TMC1: variants seen among roughly 807,000 people sequenced by gnomAD.
TMC1 encodes transmembrane channel-like protein 1.
TMC1 carries 84 observed loss-of-function variants against 105.8 expected under a neutral mutation model. The observed-to-expected ratio is 0.79, with a 90% confidence interval of 0.67 to 0.95. The LOEUF is 0.95. TMC1 is among the 40% of genes least tolerant of loss of function. The pLI is 0.00. For missense variants in TMC1, 817 were observed against 914.1 expected (o/e 0.89, Z 1.37); for synonymous variants, 315 against 311.5 (o/e 1.01, Z -0.12).
At chr9:72,732,122 A>C (rs1031433523) in intron 8 of TMC1, among the ~76,000 whole-genome samples, 1 of 152,212 alleles carries the variant, frequency 6.6e-6, no homozygotes, top group African/African-American at 2.4e-5. Flanking sequence ...ATGAGTTTGG[A>C]AAATGGAGAA....
intron 1 of TMC1, among the ~76,000 whole-genome samples, chr9:72,571,325 A>G (rs1440757730): frequency 6.6e-6 from 1 of 151,912 alleles, no homozygotes; most frequent in East Asian, 2.0e-4. Context: ...TCTGTCTCAA[A>G]AAAAAGAAAA....
intron 1 of TMC1, among the ~76,000 whole-genome samples, chr9:72,562,576 A>G (rs895166038): frequency 6.6e-6 from 1 of 152,180 alleles, no homozygotes; most frequent in Non-Finnish European, 1.5e-5. Context: ...TTGAATCCCT[A>G]TTGTGTCAGA....
chr9:72,669,223 C>T (rs948843018), intron 5 of TMC1, among the ~76,000 whole-genome samples: 4 of 152,058 alleles, frequency 2.6e-5, no homozygotes, highest in Non-Finnish European at 4.4e-5. Context: ...GCAGGAGGAT[C>T]GCTTGAACCT....
chr9:72,598,420 C>T (rs1157751526), intron 2 of TMC1, among the ~76,000 whole-genome samples: 1 of 152,006 alleles, frequency 6.6e-6, no homozygotes, highest in African/African-American at 2.4e-5. Context: ...TGATTATGGT[C>T]AGCTTTGATT....
intron 5 of TMC1, among the ~76,000 whole-genome samples, chr9:72,682,936 A>G (rs1826311443): frequency 6.6e-6 from 1 of 152,178 alleles, no homozygotes. Flanking sequence ...TACCTCCTAC[A>G]TGGCCGGAGC....
chr9:72,831,668 A>G (rs368744060), intron 23 of TMC1, among the ~76,000 whole-genome samples: 2 of 151,926 alleles, frequency 1.3e-5, no homozygotes, highest in South Asian at 4.1e-4. Context: ...ATTTCCACCT[A>G]TGAGTAAGAA....
rs1315404829 is a variant in TMC1 at position 72,752,092 on chromosome 9, C to G, written c.642+136C>G. 5.6e-5 allele frequency: 40 copies of G among 716,450 alleles called. 1 individual carries two copies. The Admixed American group carries it at 7.9e-4, about 14-fold the overall frequency. The allele number at this position is 716,450 out of a possible 1,614,324, so 44.4% of individuals were successfully genotyped here. A position where few individuals can be genotyped will look rare whatever the true frequency, so the allele number is the denominator to read the frequency against. On this transcript the variant is annotated intron_variant, in intron 11 of 23. Coordinates refer to ENST00000297784, the MANE Select transcript of TMC1 (RefSeq NM_138691.3). ...GTCATAGGATTTGTAATGAGATTAA[C>G]CTTCAAAATGGTGCCCATGGGCCAA...
At chr9:72,636,228 T>G (rs1266070143) in intron 4 of TMC1, among the ~76,000 whole-genome samples, 1 of 152,220 alleles carries the variant, frequency 6.6e-6, no homozygotes, top group Non-Finnish European at 1.5e-5. Context: ...TAGACTATTC[T>G]AAGAATGAAT....
At chr9:72,737,924 T>C (rs2118006645) in intron 8 of TMC1, among the ~76,000 whole-genome samples, 1 of 152,256 alleles carries the variant, frequency 6.6e-6, no homozygotes, top group East Asian at 1.9e-4. Flanking sequence ...ACAAGGCCAA[T>C]CTAGTCTATC....
At chr9:72,705,263 T>C (rs1418431183) in intron 8 of TMC1, among the ~76,000 whole-genome samples, 2 of 152,216 alleles carry the variant, frequency 1.3e-5, no homozygotes, top group African/African-American at 4.8e-5. Context: ...ATGTGGTAGA[T>C]TGAAAGTGCT....
intron 1 of TMC1, among the ~76,000 whole-genome samples, chr9:72,555,590 T>C (rs957035329): frequency 3.3e-5 from 5 of 152,082 alleles, no homozygotes; most frequent in Non-Finnish European, 7.4e-5. Flanking sequence ...AATATGTTAG[T>C]AACTGCTTCC....
rs78614026 is a variant in TMC1, at chr9:72,546,865, G to A, written c.-428+24952G>A. On this transcript the variant is annotated intron_variant, in intron 1 of 23. Coordinates refer to ENST00000297784, the MANE Select transcript of TMC1 (RefSeq NM_138691.3). ...TTTTAGATAGCATAATACTTCAAAA[G>A]TTGGTACTCATTTCTTAAACTTTAC... 6.1e-3 allele frequency among the ~76,000 whole-genome samples: 933 copies of A among 152,274 alleles called. 1 individual carries two copies. The highest frequency in any genetic ancestry group is 0.01 in the Non-Finnish European group (697 of 68,024).
At chr9:72,830,595 A>C in intron 22 of TMC1, 36 bp from the exon 23 acceptor site, 1 of 1,609,508 alleles carries the variant, frequency 6.2e-7, no homozygotes, top group Non-Finnish European at 8.5e-7. Flanking sequence ...AAACACTGAG[A>C]AATCTACTTT....
chr9:72,760,271 A>C (rs1297042666), intron 12 of TMC1, among the ~76,000 whole-genome samples: 1 of 152,120 alleles, frequency 6.6e-6, no homozygotes, highest in South Asian at 2.1e-4. Context: ...CTGAACAATG[A>C]CTTCATAGAG....
chr9:72,565,688 C>T (rs1032112010), intron 1 of TMC1, among the ~76,000 whole-genome samples: 2 of 152,150 alleles, frequency 1.3e-5, no homozygotes, highest in African/African-American at 4.8e-5. Flanking sequence ...ACTCACCGTT[C>T]CACATGGCTG....
rs138366163 is a variant in TMC1 at position 72,642,515 on chromosome 9, A to G, written c.-52-6082A>G. Among the ~76,000 whole-genome samples the G allele has an allele frequency of 3.9e-5, 6 of 152,376 alleles. No individual in the cohort carries two copies. The East Asian group carries it at 9.6e-4, about 24-fold the overall frequency. ...AGGTAGGGATTGACTGCATGCCTGC[A>G]GAGGAAACTGCTGCCTATTTAGCCA... is the stretch of plus-strand genomic sequence containing the variant. On this transcript the variant is annotated intron_variant, in intron 4 of 23. Transcript: ENST00000297784.
At chr9:72,650,486 G>A (rs1825784312) in intron 5 of TMC1, among the ~76,000 whole-genome samples, 1 of 150,610 alleles carries the variant, frequency 6.6e-6, no homozygotes, top group African/African-American at 2.4e-5. Context: ...TGAAGGGACA[G>A]AACAAGCCTT....
At chr9:72,556,557 G>A (rs1178681219) in intron 1 of TMC1, among the ~76,000 whole-genome samples, 1 of 151,174 alleles carries the variant, frequency 6.6e-6, no homozygotes, top group Non-Finnish European at 1.5e-5. Flanking sequence ...AGTGGCTCAT[G>A]CCTGTAATCC....
At chr9:72,680,824 G>A (rs1588028168) in intron 5 of TMC1, among the ~76,000 whole-genome samples, 1 of 152,108 alleles carries the variant, frequency 6.6e-6, no homozygotes, top group Non-Finnish European at 1.5e-5. Context: ...TACAAAGGAA[G>A]GGTAAAGATG....
Sources: gnomAD v4.1 joint callset for allele counts (sites outside exome capture counted in the v4.1 genomes callset) on GRCh38, gnomAD v4.1.1 for gene constraint, MANE v1.5 for transcripts, NCBI Gene and HGNC (gene_info 2026-07-23, HGNC 2026-07-21) for gene names.